The following ARHGAP24 variants were observed in gnomAD, a reference collection of about 807,000 sequenced individuals.
ARHGAP24 encodes rho GTPase-activating protein 24.
ARHGAP24 carries 50 observed loss-of-function variants against 76.4 expected under a neutral mutation model. The observed-to-expected ratio is 0.65, with a 90% CI of 0.52 to 0.83. The LOEUF is 0.83. ARHGAP24 is among the 40% of genes least tolerant of loss of function. The pLI is 0.00. For missense variants in ARHGAP24, 930 were observed against 914.2 expected (o/e 1.02, Z -0.22); for synonymous variants, 345 against 323.3 (o/e 1.07, Z -0.72).
At chr4:85,988,967 A>C (rs1221430888) in intron 8 of ARHGAP24, among the ~76,000 whole-genome samples, 1 of 151,660 alleles carries the variant, frequency 6.6e-6, no homozygotes, top group Non-Finnish European at 1.5e-5. Context: ...TTAATTATCT[A>C]AGTTTCCTTT....
At chr4:85,657,262 G>A (rs1167958825) in intron 2 of ARHGAP24, among the ~76,000 whole-genome samples, 1 of 152,104 alleles carries the variant, frequency 6.6e-6, no homozygotes, top group Non-Finnish European at 1.5e-5. Context: ...TATTAGAATT[G>A]TGTTTTAATA....
At chr4:85,717,283 A>C (rs1434037052) in intron 2 of ARHGAP24, among the ~76,000 whole-genome samples, 2 of 152,056 alleles carry the variant, frequency 1.3e-5, no homozygotes, top group African/African-American at 4.8e-5. Flanking sequence ...GTTTCTGTAC[A>C]TGTTTCTTAA....
chr4:85,854,135 C>CAAAAAAAAAAA (rs35799327), intron 3 of ARHGAP24, among the ~76,000 whole-genome samples: 23 of 85,552 alleles, frequency 2.7e-4, no homozygotes, highest in African/African-American at 6.6e-4. Context: ...GACTCTGTCT[C>CAAAAAAAAAAA]AAAAAAAAAA....
At chr4:85,718,701 A>C (rs1195469179) in intron 2 of ARHGAP24, among the ~76,000 whole-genome samples, 1 of 152,144 alleles carries the variant, frequency 6.6e-6, no homozygotes, top group African/African-American at 2.4e-5. Flanking sequence ...TTGTCTGTTG[A>C]TATTTAAACT....
intron 1 of ARHGAP24, among the ~76,000 whole-genome samples, chr4:85,547,733 G>T (rs1426436120): frequency 6.6e-6 from 1 of 152,162 alleles, no homozygotes; most frequent in Non-Finnish European, 1.5e-5. Flanking sequence ...ACTGTGCCTG[G>T]CTGGCAATGT....
intron 2 of ARHGAP24, among the ~76,000 whole-genome samples, chr4:85,654,416 G>A (rs75561728): frequency 3.3e-5 from 5 of 152,040 alleles, no homozygotes; most frequent in African/African-American, 4.8e-5. Flanking sequence ...TGAATTTTGG[G>A]GGCAAACTTT....
intron 3 of ARHGAP24, among the ~76,000 whole-genome samples, chr4:85,740,453 C>T (rs1437202842): frequency 6.6e-6 from 1 of 152,120 alleles, no homozygotes; most frequent in African/African-American, 2.4e-5. Context: ...GAACTCCTGA[C>T]CTCAAGTCAT....
chr4:85,868,114 C>A (rs945295198), intron 3 of ARHGAP24, among the ~76,000 whole-genome samples: 2 of 151,926 alleles, frequency 1.3e-5, no homozygotes, highest in Admixed American at 6.6e-5. Flanking sequence ...GTGAGGTATA[C>A]ATTAGTTCCG....
At chr4:85,691,275 C>G (rs1723646186) in intron 2 of ARHGAP24, among the ~76,000 whole-genome samples, 1 of 152,058 alleles carries the variant, frequency 6.6e-6, no homozygotes, top group African/African-American at 2.4e-5. Context: ...AACATTTGAT[C>G]AGTCTTAGAA....
At chr4:85,830,841 G>A (rs1729958543) in intron 3 of ARHGAP24, among the ~76,000 whole-genome samples, 1 of 152,140 alleles carries the variant, frequency 6.6e-6, no homozygotes, top group Non-Finnish European at 1.5e-5. Flanking sequence ...TAAGGACTTG[G>A]GAGCTGGAGT....
chr4:85,657,053 G>A (rs1380898202), intron 2 of ARHGAP24, among the ~76,000 whole-genome samples: 1 of 152,136 alleles, frequency 6.6e-6, no homozygotes, highest in African/African-American at 2.4e-5. Flanking sequence ...TGGTGTTTTG[G>A]AACAATTTTC....
At chr4:85,945,299 T>G (rs959468054) in intron 5 of ARHGAP24, among the ~76,000 whole-genome samples, 4 of 152,016 alleles carry the variant, frequency 2.6e-5, no homozygotes, top group Admixed American at 1.3e-4. Flanking sequence ...TGTGCCACCA[T>G]GCCTGACTAT....
intron 2 of ARHGAP24, among the ~76,000 whole-genome samples, chr4:85,627,320 G>C (rs540410974): frequency 4.8e-4 from 73 of 152,280 alleles, no homozygotes; most frequent in Non-Finnish European, 8.7e-4. Flanking sequence ...AGGTCTGTTG[G>C]AGTTTTCTAG....
At position 85,854,131 on chromosome 4, in the gene ARHGAP24, G is replaced by A. The variant is rs1261969106; in HGVS notation, c.269-69517G>A. Among the ~76,000 whole-genome samples, 20 of 85,092 alleles carry A rather than the reference G, an allele frequency of 2.4e-4. 1 individual carries two copies. In the Admixed American group the frequency reaches 3.6e-3, roughly 15 times the overall value. The allele number at this position is 85,092 out of a possible 152,430, so 55.8% of individuals were successfully genotyped here. ...GCATGGGTGAAAAGAGTGAGACTCT[G>A]TCTCAAAAAAAAAAAAAAAAAAAAG... On this transcript the variant is annotated intron_variant, in intron 3 of 9. Transcript: ENST00000395184.
chr4:85,995,008 A>AC lies in ARHGAP24; in HGVS notation c.1359dup (p.Asn454GlnfsTer61), dbSNP rs1280203372. The AC allele has an allele frequency of 6.2e-7, 1 of 1,613,150 alleles. No individual in the cohort carries two copies. Among genetic ancestry groups the AC allele is most frequent in the Non-Finnish European group, 8.5e-7 (1 of 1,179,868 alleles). On this transcript the variant is annotated frameshift_variant, in exon 9 of 10. Coordinates refer to ENST00000395184, the MANE Select transcript of ARHGAP24 (RefSeq NM_001025616.3). LOFTEE classifies it high-confidence loss of function. ...AGAAGGTCTTGAGAAAACCCAAACCACCCCCAATGGGAGCCTACAGGCCAG... is the reference window on the plus strand; with the variant it reads ...AGAAGGTCTTGAGAAAACCCAAACCACCCCCCAATGGGAGCCTACAGGCCAG...
In ARHGAP24 at chr4:85,785,114, C is replaced by T. The variant is rs1276778791; in HGVS notation, c.268+63142C>T. 2.6e-5 allele frequency among the ~76,000 whole-genome samples: 4 copies of T among 152,114 alleles called. No homozygotes were observed. In the East Asian group the frequency reaches 7.7e-4, roughly 29 times the overall value. On this transcript the variant is annotated intron_variant, in intron 3 of 9. Transcript: ENST00000395184. Reference sequence around the variant, plus strand: ...CAGAATTTGAGGTCCAGCTTTGGTGCATTCACGTGTGTCATCCTGTGTGTT... The same window carrying T: ...CAGAATTTGAGGTCCAGCTTTGGTGTATTCACGTGTGTCATCCTGTGTGTT...
intron 1 of ARHGAP24, among the ~76,000 whole-genome samples, chr4:85,487,714 A>AAATATATATTTATTATATTATAT (rs1560505641): frequency 6.7e-4 from 68 of 100,802 alleles, no homozygotes; most frequent in African/African-American, 3.1e-3. Context: ...TATATTATAT[A>AAATATATATTTATTATATTATAT]AATATATATT....
At chr4:85,955,359 A>G (rs1737850621) in intron 5 of ARHGAP24, among the ~76,000 whole-genome samples, 1 of 152,046 alleles carries the variant, frequency 6.6e-6, no homozygotes, top group Admixed American at 6.6e-5. Context: ...ATAAAAAAGC[A>G]TTGCAAACTG....
At chr4:85,786,294 A>C (rs1321936972) in intron 3 of ARHGAP24, among the ~76,000 whole-genome samples, 1 of 152,244 alleles carries the variant, frequency 6.6e-6, no homozygotes, top group Non-Finnish European at 1.5e-5. Context: ...TCAAACCTGC[A>C]GCAGAAATAA....
Sources: allele counts gnomAD v4.1 joint callset (sites outside exome capture counted in the v4.1 genomes callset), GRCh38; gene constraint gnomAD v4.1.1; transcripts MANE v1.5; gene names NCBI Gene and HGNC (gene_info 2026-07-23, HGNC 2026-07-21).